GRIN2A: variants seen among roughly 807,000 people sequenced by gnomAD.
GRIN2A encodes glutamate ionotropic receptor NMDA type subunit 2A.
Under a neutral mutation model 113.4 loss-of-function variants are expected in GRIN2A, and 22 were observed. The observed-to-expected ratio is 0.19, with a 90% CI of 0.14 to 0.28. GRIN2A has a LOEUF of 0.28. Ranked by LOEUF, GRIN2A falls within the 10% of genes least tolerant of loss-of-function variation. The pLI is 1.00. For synonymous variants in GRIN2A, 827 were observed against 738.4 expected (o/e 1.12, Z -1.94); for missense variants, 1,502 against 1,887.0 (o/e 0.80, Z 3.78).
At chr16:9,997,472 T>G (rs1221935933) in intron 2 of GRIN2A, among the ~76,000 whole-genome samples, 1 of 152,216 alleles carries the variant, frequency 6.6e-6, no homozygotes, top group African/African-American at 2.4e-5. Flanking sequence ...TTTGATTCAT[T>G]TATATACACA....
intron 2 of GRIN2A, among the ~76,000 whole-genome samples, chr16:10,139,224 T>A (rs902940405): frequency 5.3e-5 from 8 of 152,250 alleles, no homozygotes; most frequent in African/African-American, 1.9e-4. Context: ...AGGCAAGATC[T>A]CAGGCTGTGT....
intron 2 of GRIN2A, among the ~76,000 whole-genome samples, chr16:10,109,363 C>T (rs1489313061): frequency 6.6e-6 from 1 of 151,384 alleles, no homozygotes; most frequent in African/African-American, 2.4e-5. Flanking sequence ...AAAAAGAGTC[C>T]TACACAAATT....
intron 2 of GRIN2A, among the ~76,000 whole-genome samples, chr16:9,972,921 G>C (rs2045701447): frequency 6.6e-6 from 1 of 151,918 alleles, no homozygotes; most frequent in South Asian, 2.2e-4. Flanking sequence ...ACAGGGATCA[G>C]AGTTTTTAAG....
At chr16:9,792,105 G>GTGTGTGTGTGTGTGTGTGTC (rs3831728) in intron 11 of GRIN2A, among the ~76,000 whole-genome samples, 49 of 151,180 alleles carry the variant, frequency 3.2e-4, no homozygotes, top group African/African-American at 1.2e-3. Flanking sequence ...GTGTGTGTGT[G>GTGTGTGTGTGTGTGTGTGTC]TGTATCTTTC....
intron 8 of GRIN2A, among the ~76,000 whole-genome samples, chr16:9,833,680 C>A (rs897800168): frequency 2.6e-5 from 4 of 152,176 alleles, no homozygotes; most frequent in Non-Finnish European, 5.9e-5. Flanking sequence ...ATATCAGTGA[C>A]CCAAAACCAT....
intron 2 of GRIN2A, among the ~76,000 whole-genome samples, chr16:9,957,281 G>A (rs1367212635): frequency 2.0e-5 from 3 of 152,054 alleles, no homozygotes; most frequent in Non-Finnish European, 4.4e-5. Flanking sequence ...ATTATTTAAG[G>A]GAGCTGCCCA....
At chr16:10,004,871 A>G (rs2046379279) in intron 2 of GRIN2A, among the ~76,000 whole-genome samples, 1 of 152,252 alleles carries the variant, frequency 6.6e-6, no homozygotes, top group South Asian at 2.1e-4. Context: ...AGGTCAAGGA[A>G]TTAGAATATA....
At chr16:9,986,764 CAAAAA>C (rs3065539) in intron 2 of GRIN2A, among the ~76,000 whole-genome samples, 6 of 112,050 alleles carry the variant, frequency 5.4e-5, no homozygotes, top group Admixed American at 9.6e-5. Context: ...GACGCTGTCT[CAAAAA>C]AAAAAAAAAA....
chr16:10,061,441 C>G (rs193146306), intron 2 of GRIN2A, among the ~76,000 whole-genome samples: 189 of 152,302 alleles, frequency 1.2e-3, no homozygotes, highest in Non-Finnish European at 1.8e-3. Flanking sequence ...ATACTAAAAT[C>G]CAATGAATAG....
In GRIN2A at chr16:10,103,064, G is replaced by A. The variant is rs191319477; in HGVS notation, c.414+76934C>T. On this transcript the variant is annotated intron_variant, in intron 2 of 12. Transcript: ENST00000330684. ...ACATCAAGAAGCTCAAAGACTAGCT[G>A]GAAAGATACTAATATAGCAATTCCT... Among the ~76,000 whole-genome samples the A allele has an allele frequency of 2.5e-3, 376 of 152,326 alleles. 1 individual carries two copies. Among genetic ancestry groups the A allele is most frequent in the African/African-American group, 8.5e-3 (353 of 41,574 alleles).
In GRIN2A at chr16:10,009,046, A is replaced by G. The variant is rs561112684; in HGVS notation, c.415-70495T>C. 9.2e-5 allele frequency among the ~76,000 whole-genome samples: 14 copies of G among 152,316 alleles called. No homozygotes were observed. In the East Asian group the frequency reaches 2.7e-3, roughly 29 times the overall value. On this transcript the variant is annotated intron_variant, in intron 2 of 12. Coordinates refer to ENST00000330684, the MANE Select transcript of GRIN2A (RefSeq NM_001134407.3). The stretch of plus-strand genomic sequence containing the variant: ...ACACTAATACAGATGAAAATACGTT[A>G]TATGTCAAGTGCTGATAAAGTCCCG...
At chr16:9,938,640 A>C in intron 2 of GRIN2A, 89 bp from the exon 3 acceptor site, 1 of 857,956 alleles carries the variant, frequency 1.2e-6, no homozygotes, top group Non-Finnish European at 1.9e-6. Flanking sequence ...AAGGAAAGTA[A>C]ATCACACATC....
chr16:9,896,463 T>G (rs1567162149), intron 3 of GRIN2A, among the ~76,000 whole-genome samples: 1 of 152,204 alleles, frequency 6.6e-6, no homozygotes. Context: ...ACTTGTTCCC[T>G]TTTCTTCCAT....
intron 2 of GRIN2A, among the ~76,000 whole-genome samples, chr16:9,971,101 A>G (rs2045661125): frequency 6.6e-6 from 1 of 152,190 alleles, no homozygotes; most frequent in Non-Finnish European, 1.5e-5. Context: ...ATAAGAGCAG[A>G]CAGTATGAGG....
intron 3 of GRIN2A, among the ~76,000 whole-genome samples, chr16:9,907,312 GAAC>G (rs2044046167): frequency 6.6e-6 from 1 of 152,210 alleles, no homozygotes; most frequent in South Asian, 2.1e-4. Flanking sequence ...TAGAAACACA[GAAC>G]AGCTTGAATG....
At chr16:9,930,876 C>A (rs1358817192) in intron 3 of GRIN2A, among the ~76,000 whole-genome samples, 1 of 152,202 alleles carries the variant, frequency 6.6e-6, no homozygotes, top group Non-Finnish European at 1.5e-5. Context: ...GTAACTTAGA[C>A]ATGAATAAAA....
At chr16:9,809,960 C>A (rs533681822) in intron 10 of GRIN2A, among the ~76,000 whole-genome samples, 2 of 152,116 alleles carry the variant, frequency 1.3e-5, no homozygotes, top group African/African-American at 4.8e-5. Context: ...CCCAGCTACT[C>A]TGGAGGCTGA....
chr16:9,814,183 C>A (rs1002924641), intron 10 of GRIN2A, among the ~76,000 whole-genome samples: 1 of 152,212 alleles, frequency 6.6e-6, no homozygotes, highest in Non-Finnish European at 1.5e-5. Flanking sequence ...AATATATGCA[C>A]ATATGTAATA....
chr16:10,138,783 A>G (rs1324147490), intron 2 of GRIN2A, among the ~76,000 whole-genome samples: 1 of 152,226 alleles, frequency 6.6e-6, no homozygotes, highest in Non-Finnish European at 1.5e-5. Flanking sequence ...AGTTTCTTGC[A>G]CATAATAAAA....
Sources: gnomAD v4.1 joint callset for allele counts (sites outside exome capture counted in the v4.1 genomes callset) on GRCh38, gnomAD v4.1.1 for gene constraint, MANE v1.5 for transcripts, NCBI Gene and HGNC (gene_info 2026-07-23, HGNC 2026-07-21) for gene names.